Variants in SMIM20 observed in about 807,000 individuals in gnomAD.
SMIM20 encodes mitochondrial translation regulation assembly intermediate of cytochrome c oxidase protein of 7 kDa.
In SMIM20, 3 loss-of-function variants were observed where a neutral mutation model predicts 8.7. That is an observed-to-expected ratio of 0.34 (90% CI 0.16 to 0.89). The LOEUF is 0.89. Among genes scored for constraint, SMIM20 ranks in the 40% least tolerant of loss-of-function variants. SMIM20 has a pLI of 0.49. For missense variants in SMIM20, 85 were observed against 84.8 expected (o/e 1.00, Z -0.01); for synonymous variants, 44 against 33.6 (o/e 1.31, Z -1.07).
Position 25,929,185 on chromosome 4 carries a change from GA to G in SMIM20, c.201del (p.Lys67AsnfsTer10). On this transcript the variant is annotated frameshift_variant, in exon 3 of 3. Transcript: ENST00000506197. LOFTEE classifies it high-confidence loss of function. ...LKVWSDPFGR[K>X] ...AAGTGTGGTCTGATCCATTTGGCAG[GA>G]AATGAGAGGGCTGTCATCAGCTCTG... is the stretch of plus-strand genomic sequence containing the variant. 1.3e-6 allele frequency: 2 copies of G among 1,552,054 alleles called. No homozygotes were observed. Among genetic ancestry groups the G allele is most frequent in the Non-Finnish European group, 1.7e-6 (2 of 1,147,014 alleles).
At chr4:25,928,501 A>G (rs1042411207) in intron 2 of SMIM20, 132 bp downstream of exon 2, 8 of 889,186 alleles carry the variant, frequency 9.0e-6, no homozygotes, top group Non-Finnish European at 1.3e-5. Flanking sequence ...TGATTTTGCT[A>G]TTTATTTCTC....
intron 1 of SMIM20, among the ~76,000 whole-genome samples, chr4:25,918,672 G>C (rs1044563465): frequency 2.6e-5 from 4 of 151,552 alleles, no homozygotes; most frequent in Non-Finnish European, 4.4e-5. Context: ...CACCACGCCT[G>C]GCTATTTTTT....
chr4:25,928,161 A>G (rs1711555048), intron 1 of SMIM20, 152 bp from the exon 2 acceptor site: 1 of 647,900 alleles, frequency 1.5e-6, no homozygotes, highest in African/African-American at 1.9e-5. Context: ...AACTTCCACA[A>G]CCTAAAAGCT....
At chr4:25,928,390 C>A (rs892761833) in intron 2 of SMIM20, 21 bp downstream of exon 2, 19 of 1,542,900 alleles carry the variant, frequency 1.2e-5, no homozygotes, top group Admixed American at 2.0e-5. Context: ...AAAAAAAAAT[C>A]AAAACCAAAT....
chr4:25,915,575 A>G (rs1474926416), intron 1 of SMIM20, among the ~76,000 whole-genome samples: 1 of 152,212 alleles, frequency 6.6e-6, no homozygotes, highest in Non-Finnish European at 1.5e-5. Context: ...TGAAATGGCC[A>G]CTGTGTTCTG....
chr4:25,917,964 A>T (rs1220626202), intron 1 of SMIM20, among the ~76,000 whole-genome samples: 2 of 123,288 alleles, frequency 1.6e-5, no homozygotes, highest in Non-Finnish European at 1.6e-5. Flanking sequence ...TTTTTTTGAG[A>T]CAGAGTCTCG....
At position 25,928,342 on chromosome 4, in the gene SMIM20, A is replaced by G; in HGVS notation, c.139A>G (p.Ile47Val). The change falls in exon 2 of 3, where the codon ATT (isoleucine) becomes GTT (valine). Residue 47 changes from isoleucine to valine, a missense_variant. Coordinates refer to ENST00000506197, the MANE Select transcript of SMIM20 (RefSeq NM_001145432.3). ...GGAACAAGCTATAAATCGGGCTGGAATTGTTCAAGAGGATGTGCAGCCACC... is the reference window on the plus strand; with the variant it reads ...GGAACAAGCTATAAATCGGGCTGGAGTTGTTCAAGAGGATGTGCAGCCACC... ...KKEQAINRAG[I>V]VQEDVQPPGL... 1 of 1,550,260 alleles carries G rather than the reference A, an allele frequency of 6.5e-7. No homozygotes were observed. The highest frequency in any genetic ancestry group is 8.7e-7 in the Non-Finnish European group (1 of 1,146,476).
chr4:25,923,633 C>T (rs895114056), intron 1 of SMIM20, among the ~76,000 whole-genome samples: 1 of 152,194 alleles, frequency 6.6e-6, no homozygotes. Flanking sequence ...AGCTGTGAGA[C>T]CTCAGTTCTG....
At chr4:25,928,423 G>T (rs1711565974) in intron 2 of SMIM20, 54 bp downstream of exon 2, 1 of 1,513,464 alleles carries the variant, frequency 6.6e-7, no homozygotes. Flanking sequence ...ACTGTGTTGT[G>T]CGGGTTTGTG....
rs1711582721 is a variant in SMIM20 at position 25,929,019 on chromosome 4, G to A, written c.167-135G>A. ...GCCATTTAATGCCAAGGTTCCGGCAGCCTGCTCACACCATCTCAAACTACA... is the reference window on the plus strand; with the variant it reads ...GCCATTTAATGCCAAGGTTCCGGCAACCTGCTCACACCATCTCAAACTACA... On this transcript the variant is annotated intron_variant, in intron 2 of 2. Coordinates refer to ENST00000506197, the MANE Select transcript of SMIM20 (RefSeq NM_001145432.3). 4 of 1,036,492 alleles carry A rather than the reference G, an allele frequency of 3.9e-6. No homozygotes were observed. The South Asian group carries it at 5.8e-5, about 15-fold the overall frequency. 64.2% of individuals were successfully genotyped at this position (1,036,492 alleles called of 1,614,324 possible).
intron 1 of SMIM20, among the ~76,000 whole-genome samples, chr4:25,915,866 G>T (rs1244354640): frequency 1.5e-5 from 2 of 134,202 alleles, no homozygotes; most frequent in African/African-American, 2.7e-5. Context: ...GGGCGGGGGG[G>T]GGGTCGAGTG....
intron 2 of SMIM20, among the ~76,000 whole-genome samples, 187 bp from the exon 3 acceptor site, chr4:25,928,967 G>C (rs914090799): frequency 3.9e-5 from 6 of 152,174 alleles, no homozygotes; most frequent in African/African-American, 1.4e-4. Flanking sequence ...CCATTTAAAA[G>C]TCCCTTATGG....
intron 1 of SMIM20, among the ~76,000 whole-genome samples, chr4:25,924,317 T>C (rs1408602235): frequency 6.6e-6 from 1 of 152,206 alleles, no homozygotes; most frequent in Non-Finnish European, 1.5e-5. Flanking sequence ...CGTATGCATG[T>C]TGTACAGTTA....
intron 1 of SMIM20, 50 bp downstream of exon 1, chr4:25,914,472 C>A (rs138066832): frequency 5.7e-6 from 8 of 1,397,350 alleles, no homozygotes; most frequent in Non-Finnish European, 7.5e-6. Context: ...AACACACACA[C>A]CTCCCCTCTG....
At chr4:25,917,613 G>T (rs1719112383) in intron 1 of SMIM20, among the ~76,000 whole-genome samples, 1 of 152,136 alleles carries the variant, frequency 6.6e-6, no homozygotes, top group Non-Finnish European at 1.5e-5. Context: ...AAGAAACCTG[G>T]ATTCTAGCAA....
chr4:25,921,796 G>A (rs1389619276), intron 1 of SMIM20, among the ~76,000 whole-genome samples: 2 of 152,084 alleles, frequency 1.3e-5, no homozygotes, highest in Non-Finnish European at 2.9e-5. Context: ...GTGTCAGAAG[G>A]GCTGAAGCAT....
intron 1 of SMIM20, among the ~76,000 whole-genome samples, chr4:25,919,676 TTCTTC>T (rs773838877): frequency 1.3e-5 from 2 of 152,308 alleles, no homozygotes; most frequent in Non-Finnish European, 2.9e-5. Context: ...CTTCCTTTTT[TTCTTC>T]TTTTCTGCCT....
chr4:25,928,198 C>A, intron 1 of SMIM20, 115 bp from the exon 2 acceptor site: 3 of 1,001,496 alleles, frequency 3.0e-6, no homozygotes, highest in South Asian at 1.7e-5. Context: ...CTGAATTTAA[C>A]AGCACTCATA....
At chr4:25,925,219 C>CTTTTA (rs746848916) in intron 1 of SMIM20, among the ~76,000 whole-genome samples, 3 of 152,072 alleles carry the variant, frequency 2.0e-5, no homozygotes, top group East Asian at 1.9e-4. Flanking sequence ...TTGTGAGTTG[C>CTTTTA]TTTTATTTTA....
Sources: allele counts gnomAD v4.1 joint callset (sites outside exome capture counted in the v4.1 genomes callset), GRCh38; gene constraint gnomAD v4.1.1; transcripts MANE v1.5; gene names NCBI Gene and HGNC (gene_info 2026-07-23, HGNC 2026-07-21).